The following EPM2A variants were observed in gnomAD, a reference collection of about 807,000 sequenced individuals.
EPM2A encodes the protein laforin.
In EPM2A, 21 loss-of-function variants were observed where a neutral mutation model predicts 26.5. The ratio of observed to expected loss-of-function variants is 0.79; its 90% CI spans 0.56 to 1.14. The LOEUF (loss-of-function observed/expected upper bound fraction) is 1.14. EPM2A is among the 50% of genes most tolerant of loss of function. The probability of loss-of-function intolerance (pLI) is 0.00; values close to 1 mark genes in which losing one functional copy is unlikely to be tolerated. For synonymous variants in EPM2A, 217 were observed against 177.6 expected, an observed-to-expected ratio of 1.22 and a Z score of -1.76; for missense variants, 458 against 440.8, an observed-to-expected ratio of 1.04 and a Z score of -0.35.
chr6:145,540,907 A>T (rs1224631130), intron 2 of EPM2A, among the ~76,000 whole-genome samples: 2 of 152,226 alleles, frequency 1.3e-5, no homozygotes, highest in Non-Finnish European at 2.9e-5. Flanking sequence ...ATCTGTTCTC[A>T]TCTCTGATTC....
At chr6:145,490,750 GA>G (rs2114741270) in intron 4 of EPM2A, 1 of 562,206 alleles carries the variant, frequency 1.8e-6, no homozygotes, top group Admixed American at 2.1e-5. Context: ...CTTCACATGT[GA>G]AGGTTGTCAC....
intron 2 of EPM2A, among the ~76,000 whole-genome samples, chr6:145,538,539 C>G: frequency 6.6e-6 from 1 of 152,208 alleles, no homozygotes; most frequent in Non-Finnish European, 1.5e-5. Context: ...ATTCTGGTTT[C>G]ATGAAGTGGA....
upstream of EPM2A, chr6:145,735,539 C>A (rs1057522658): frequency 2.6e-6 from 3 of 1,160,512 alleles, no homozygotes; most frequent in Admixed American, 4.7e-5. Context: ...CCGGAGTCCC[C>A]GCGGCCGGCA....
In EPM2A at chr6:145,393,436, A is replaced by AC. The variant is rs1314746183; in HGVS notation, c.556-9340_556-9339insG. Among the ~76,000 whole-genome samples, 13 of 152,206 alleles carry AC rather than the reference A, an allele frequency of 8.5e-5. No homozygotes were observed. In the South Asian group the frequency reaches 2.5e-3, roughly 29 times the overall value. Reference sequence around the variant, plus strand: ...TGAGAAATAGAAAATGTGGCTCAAAAAAAAAAATCCTGATCATCATAAAGA... The same window carrying AC: ...TGAGAAATAGAAAATGTGGCTCAAAACAAAAAAATCCTGATCATCATAAAGA... On this transcript the variant is annotated intron_variant, in intron 4 of 4. Transcript: ENST00000638717.
intron 2 of EPM2A, among the ~76,000 whole-genome samples, chr6:145,507,107 C>T (rs1307053387): frequency 6.6e-6 from 1 of 152,152 alleles, no homozygotes; most frequent in African/African-American, 2.4e-5. Context: ...TTTTAAATCA[C>T]AAGTAAAAAA....
In EPM2A at chr6:145,451,870, C is replaced by T. The variant is rs150458648; in HGVS notation, c.555+50652G>A. 5.6e-3 allele frequency among the ~76,000 whole-genome samples: 566 copies of T among 101,004 alleles called. 2 individuals are homozygous for T. Among genetic ancestry groups the T allele is most frequent in the Middle Eastern group, 0.015 (3 of 206 alleles). 66.3% of individuals were successfully genotyped at this position (101,004 alleles called of 152,430 possible). A position where few individuals can be genotyped will look rare whatever the true frequency, so the allele number is the denominator to read the frequency against. On this transcript the variant is annotated intron_variant, in intron 4 of 4. Coordinates refer to the EPM2A transcript ENST00000638717. ...AAACACATATCAGCACAGTAAAAGC[C>T]TTTTGATCGCCATTGATTTTTAAGG...
chr6:145,494,423 C>T (rs442435), intron 4 of EPM2A, among the ~76,000 whole-genome samples: 80,361 of 151,782 alleles, frequency 0.53, 21,878 homozygotes, highest in African/African-American at 0.66. Context: ...ATTATTTTTT[C>T]TCAAAGAATA....
At chr6:145,595,795 C>T (rs1781335034) in intron 2 of EPM2A, among the ~76,000 whole-genome samples, 1 of 152,006 alleles carries the variant, frequency 6.6e-6, no homozygotes, top group Admixed American at 6.6e-5. Context: ...CCTTCTTTTA[C>T]AAAGGATTTT....
At chr6:145,592,877 A>G (rs972915932) in intron 2 of EPM2A, among the ~76,000 whole-genome samples, 1 of 152,204 alleles carries the variant, frequency 6.6e-6, no homozygotes, top group Non-Finnish European at 1.5e-5. Context: ...AAAGCACAAA[A>G]AGAAGGTAAA....
intron 1 of EPM2A, among the ~76,000 whole-genome samples, chr6:145,696,443 T>C (rs1428979101): frequency 1.3e-5 from 2 of 152,142 alleles, no homozygotes; most frequent in African/African-American, 4.8e-5. Context: ...TCTCTCCACA[T>C]AAAATAAGTG....
chr6:145,538,858 A>G (rs1385396556), intron 2 of EPM2A, among the ~76,000 whole-genome samples: 4 of 152,188 alleles, frequency 2.6e-5, no homozygotes, highest in South Asian at 2.1e-4. Flanking sequence ...CATTATTTCC[A>G]TTTCACAGAT....
intron 2 of EPM2A, among the ~76,000 whole-genome samples, chr6:145,661,230 C>A (rs1430147036): frequency 1.3e-5 from 2 of 152,164 alleles, no homozygotes; most frequent in African/African-American, 4.8e-5. Flanking sequence ...ATCTGCAGTT[C>A]ACCAGGCCAC....
chr6:145,421,076 T>C (rs1778775064), intron 4 of EPM2A, among the ~76,000 whole-genome samples: 2 of 152,178 alleles, frequency 1.3e-5, no homozygotes, highest in African/African-American at 4.8e-5. Flanking sequence ...AGAATTGACC[T>C]AAGCAAATTC....
intron 2 of EPM2A, among the ~76,000 whole-genome samples, chr6:145,569,302 T>C (rs150369516): frequency 1.4e-3 from 220 of 152,354 alleles, no homozygotes; most frequent in African/African-American, 5.0e-3. Flanking sequence ...CAGTCCATTA[T>C]GTTGTGGGGT....
At chr6:145,523,063 G>T (rs1218762259) in intron 2 of EPM2A, among the ~76,000 whole-genome samples, 1 of 152,120 alleles carries the variant, frequency 6.6e-6, no homozygotes, top group Non-Finnish European at 1.5e-5. Flanking sequence ...TCTATATTCA[G>T]ACATTTTCAT....
At chr6:145,683,313 G>GTGTGTGTGTGTGTGTGTA (rs1178628366) in intron 2 of EPM2A, among the ~76,000 whole-genome samples, 41 of 147,370 alleles carry the variant, frequency 2.8e-4, no homozygotes, top group South Asian at 8.6e-4. Context: ...GTGTGAGTGT[G>GTGTGTGTGTGTGTGTGTA]TATATATTAG....
intron 2 of EPM2A, among the ~76,000 whole-genome samples, chr6:145,599,107 C>T (rs1781384697): frequency 6.6e-6 from 1 of 152,088 alleles, no homozygotes; most frequent in Admixed American, 6.5e-5. Flanking sequence ...TCCAGTTTTA[C>T]ATGAATTTTA....
At chr6:145,513,275 A>G (rs1239460732) in intron 2 of EPM2A, among the ~76,000 whole-genome samples, 1 of 152,186 alleles carries the variant, frequency 6.6e-6, no homozygotes, top group Admixed American at 6.6e-5. Flanking sequence ...CAAAAGAAAT[A>G]TAAGTGGCCA....
intron 3 of EPM2A, among the ~76,000 whole-genome samples, chr6:145,632,552 C>A (rs1339319492): frequency 6.6e-6 from 1 of 152,160 alleles, no homozygotes; most frequent in Non-Finnish European, 1.5e-5. Flanking sequence ...AAAAAGAAAT[C>A]TACACCACCA....
Sources: allele counts gnomAD v4.1 joint callset (sites outside exome capture counted in the v4.1 genomes callset), GRCh38; gene constraint gnomAD v4.1.1; transcripts MANE v1.5; gene names NCBI Gene and HGNC (gene_info 2026-07-23, HGNC 2026-07-21).